Variants in ZC3H12B observed in about 807,000 individuals in gnomAD.
ZC3H12B encodes the protein probable ribonuclease ZC3H12B.
ZC3H12B carries 7 observed loss-of-function variants against 43.9 expected under a neutral mutation model. The observed-to-expected ratio is 0.16, with a 90% CI of 0.09 to 0.30. ZC3H12B has a LOEUF of 0.30. Among genes scored for constraint, ZC3H12B ranks in the 10% least tolerant of loss-of-function variants. The pLI is 1.00. For synonymous variants in ZC3H12B, 222 were observed against 241.7 expected (o/e 0.92, Z 0.76); for missense variants, 475 against 670.2 (o/e 0.71, Z 3.22).
At chrX:65,034,967 G>A in the ZC3H12B span, among the ~76,000 whole-genome samples, 2 of 112,551 alleles carry the variant, frequency 1.8e-5, no homozygotes, top group Admixed American at 9.2e-5. Context: ...TGGTAACGGC[G>A]GTCCCTCCAG....
chrX:65,253,415 G>C, the ZC3H12B span, among the ~76,000 whole-genome samples: 1 of 112,318 alleles, frequency 8.9e-6, no homozygotes, highest in Non-Finnish European at 1.9e-5. Context: ...GGCAAGGAAA[G>C]CTGCTTAGAC....
chrX:65,200,868 C>A, the ZC3H12B span, among the ~76,000 whole-genome samples: 6 of 111,723 alleles, frequency 5.4e-5, no homozygotes, highest in African/African-American at 2.0e-4. Context: ...ATTGAACCAA[C>A]CTTGCATCAA....
intron 3 of ZC3H12B, among the ~76,000 whole-genome samples, chrX:65,428,190 A>T (rs1349944420): frequency 1.8e-5 from 2 of 111,839 alleles, no homozygotes; most frequent in Non-Finnish European, 3.8e-5. Context: ...GCTGCTTTTA[A>T]CAGTTTTCCT....
the ZC3H12B span, among the ~76,000 whole-genome samples, chrX:65,324,304 C>A: frequency 8.9e-6 from 1 of 111,757 alleles, no homozygotes; most frequent in Non-Finnish European, 1.9e-5. Flanking sequence ...CCTAGGTTTT[C>A]TTCTAGGGTT....
chrX:65,038,237 A>G, the ZC3H12B span, among the ~76,000 whole-genome samples: 3 of 111,692 alleles, frequency 2.7e-5, no homozygotes, highest in African/African-American at 9.7e-5. Context: ...GAGGCTTTAT[A>G]CACCTTCTGT....
At chrX:65,359,847 T>C in the ZC3H12B span, among the ~76,000 whole-genome samples, 8 of 111,990 alleles carry the variant, frequency 7.1e-5, no homozygotes, top group African/African-American at 2.6e-4. Context: ...CTGCTGTGGA[T>C]AAAATGTTAT....
At chrX:65,062,710 C>T in the ZC3H12B span, among the ~76,000 whole-genome samples, 1 of 111,852 alleles carries the variant, frequency 8.9e-6, no homozygotes, top group African/African-American at 3.2e-5. Flanking sequence ...TCAATTGTGA[C>T]TTGATGGGAA....
chrX:65,162,967 G>A, the ZC3H12B span, among the ~76,000 whole-genome samples: 1 of 112,212 alleles, frequency 8.9e-6, no homozygotes, highest in Admixed American at 9.5e-5. Flanking sequence ...CTTTCTGTTT[G>A]TTAGCTTTCC....
chrX:65,335,926 T>C, the ZC3H12B span, among the ~76,000 whole-genome samples: 1 of 111,788 alleles, frequency 8.9e-6, no homozygotes, highest in East Asian at 2.8e-4. Flanking sequence ...TCATCCAGGT[T>C]TTTTGTTTGT....
the ZC3H12B span, among the ~76,000 whole-genome samples, chrX:65,315,717 A>T: frequency 8.9e-6 from 1 of 112,325 alleles, no homozygotes; most frequent in Non-Finnish European, 1.9e-5. Flanking sequence ...CACACAGATG[A>T]GAAAGAACCA....
chrX:65,390,037 A>G, intron 2 of ZC3H12B, among the ~76,000 whole-genome samples: 1 of 112,413 alleles, frequency 8.9e-6, no homozygotes, highest in Non-Finnish European at 1.9e-5. Flanking sequence ...CTGGGTTAAG[A>G]AATTGTGGCA....
the ZC3H12B span, among the ~76,000 whole-genome samples, chrX:65,144,848 T>C: frequency 8.9e-6 from 1 of 111,752 alleles, no homozygotes; most frequent in African/African-American, 3.2e-5. Flanking sequence ...GATATAATTT[T>C]GATTTTCTTA....
chrX:65,279,810 G>T, the ZC3H12B span, among the ~76,000 whole-genome samples: 9 of 111,796 alleles, frequency 8.1e-5, no homozygotes, highest in Non-Finnish European at 1.9e-5. Context: ...GAAAATATTT[G>T]CAAACTATGC....
chrX:65,103,281 A>T, the ZC3H12B span, among the ~76,000 whole-genome samples: 8 of 111,274 alleles, frequency 7.2e-5, no homozygotes, highest in Non-Finnish European at 1.3e-4. Context: ...ATTCATCAAT[A>T]TTTCTCCTAT....
chrX:65,269,440 A>T, the ZC3H12B span, among the ~76,000 whole-genome samples: 2 of 111,409 alleles, frequency 1.8e-5, no homozygotes, highest in African/African-American at 6.5e-5. Flanking sequence ...AAAATAAATC[A>T]AGAGTGCAAT....
At chrX:65,120,767 A>G in the ZC3H12B span, among the ~76,000 whole-genome samples, 5 of 111,431 alleles carry the variant, frequency 4.5e-5, no homozygotes, top group Non-Finnish European at 9.4e-5. Context: ...CCCTTTCAGT[A>G]TGATATTCAC....
intron 2 of ZC3H12B, among the ~76,000 whole-genome samples, chrX:65,497,876 A>T (rs1330425220): frequency 8.9e-6 from 1 of 111,848 alleles, no homozygotes; most frequent in Non-Finnish European, 1.9e-5. Flanking sequence ...TTTATACTGA[A>T]GCAATTGAAA....
chrX:65,116,243 T>TC, the ZC3H12B span, among the ~76,000 whole-genome samples: 1 of 111,610 alleles, frequency 9.0e-6, no homozygotes. Context: ...AGAGATGAGA[T>TC]CCACTTGGAT....
chrX:65,366,324 T>C (rs768818669), upstream of ZC3H12B, among the ~76,000 whole-genome samples: 79 of 111,829 alleles, frequency 7.1e-4, no homozygotes, highest in Non-Finnish European at 1.1e-3. Flanking sequence ...TTGTTTCTTC[T>C]TCATGATGGT....
Sources: allele counts gnomAD v4.1 joint callset (sites outside exome capture counted in the v4.1 genomes callset), GRCh38; gene constraint gnomAD v4.1.1; transcripts MANE v1.5; gene names NCBI Gene and HGNC (gene_info 2026-07-23, HGNC 2026-07-21).